KIF2A: variants seen among roughly 807,000 people sequenced by gnomAD.
The protein encoded by KIF2A is kinesin-like protein KIF2A.
KIF2A carries 22 observed loss-of-function variants against 100.2 expected under a neutral mutation model. That is an observed-to-expected ratio of 0.22 (90% confidence interval 0.16 to 0.31). KIF2A has a LOEUF of 0.31. Ranked by LOEUF, KIF2A falls within the 10% of genes least tolerant of loss-of-function variation. The pLI, the probability that KIF2A is intolerant of heterozygous loss-of-function variation, is 1.00. For synonymous variants in KIF2A, 268 were observed against 285.9 expected (o/e 0.94, Z 0.63); for missense variants, 495 against 898.7 (o/e 0.55, Z 5.74).
chr5:62,317,270 A>T (rs1037027684), intron 1 of KIF2A, among the ~76,000 whole-genome samples: 2 of 151,936 alleles, frequency 1.3e-5, no homozygotes. Flanking sequence ...CTGGTTTCGA[A>T]CTCCTGGCCT....
At chr5:62,381,342 T>TA (rs1741763372) in intron 20 of KIF2A, 89 bp downstream of exon 20, 2 of 1,067,046 alleles carry the variant, frequency 1.9e-6, no homozygotes, top group Non-Finnish European at 2.8e-6. Context: ...CAAGAGGACA[T>TA]ACGAAGTGAA....
chr5:62,351,553 G>A (rs1311581221), intron 4 of KIF2A, among the ~76,000 whole-genome samples: 1 of 152,096 alleles, frequency 6.6e-6, no homozygotes, highest in Non-Finnish European at 1.5e-5. Flanking sequence ...CTCTGTGTGT[G>A]GATGGTAGAA....
Position 62,352,640 on chromosome 5 carries a change from T to G in KIF2A, c.387T>G (p.Ser129=), listed in dbSNP as rs747561728. The G allele has an allele frequency of 6.2e-7, 1 of 1,608,304 alleles. No individual in the cohort carries two copies. The highest frequency in any genetic ancestry group is 2.2e-5 in the East Asian group (1 of 44,720). Residue 129 remains serine (S), a synonymous_variant, in exon 5 of 21, where the codon TCT becomes TCG. Transcript: ENST00000407818. ...RPSQFPEQSS[S]AQQNGSVSDI... ...GTCAATTTCCTGAACAGTCTTCCTC[T>G]GCACAACAGAATGGTAGTGTTTCAG...
chr5:62,389,027 C>CT lies in KIF2A; in HGVS notation c.*3460dup, dbSNP rs763353872. ...CCAAATACCTAGGAAAAATGAATAC[C>CT]TTCTGCGTTGAATCCATGTAGCAAT... is the stretch of plus-strand genomic sequence containing the variant. On this transcript the variant is annotated 3_prime_UTR_variant, in exon 21 of 21. Transcript: ENST00000407818. 25 of 1,610,124 alleles carry CT rather than the reference C, an allele frequency of 1.6e-5. No individual in the cohort carries two copies. Among genetic ancestry groups the CT allele is most frequent in the Non-Finnish European group, 2.1e-5 (25 of 1,178,994 alleles).
chr5:62,309,592 A>G (rs1199187378), intron 1 of KIF2A, among the ~76,000 whole-genome samples: 1 of 152,246 alleles, frequency 6.6e-6, no homozygotes, highest in Non-Finnish European at 1.5e-5. Flanking sequence ...TATAACAAAA[A>G]TAAACTTTGC....
At position 62,389,174 on chromosome 5, in the gene KIF2A, C is replaced by G. The variant is rs1742175717; in HGVS notation, c.*3605C>G. ...AGCATGCTTACAGAGCCCACCCACT[C>G]CTAATACTAGTTATTAAAGAAACGT... On this transcript the variant is annotated 3_prime_UTR_variant, in exon 21 of 21. Coordinates refer to ENST00000407818, the MANE Select transcript of KIF2A (RefSeq NM_001098511.3). 1.3e-6 allele frequency: 1 copy of G among 782,924 alleles called. No individual in the cohort carries two copies. Among genetic ancestry groups the G allele is most frequent in the Admixed American group, 3.1e-5 (1 of 31,838 alleles). The allele number at this position is 782,924 out of a possible 1,614,324, so 48.5% of individuals were successfully genotyped here. A position where few individuals can be genotyped will look rare whatever the true frequency, so the allele number is the denominator to read the frequency against.
intron 16 of KIF2A, among the ~76,000 whole-genome samples, chr5:62,369,817 A>AACTATTCT (rs1741239273): frequency 6.6e-6 from 1 of 152,136 alleles, no homozygotes; most frequent in Non-Finnish European, 1.5e-5. Context: ...TTCTGTCTTA[A>AACTATTCT]GTGTTTAAAC....
intron 1 of KIF2A, among the ~76,000 whole-genome samples, chr5:62,321,918 G>A (rs1340214931): frequency 6.6e-6 from 1 of 151,802 alleles, no homozygotes; most frequent in Non-Finnish European, 1.5e-5. Context: ...TTATAATTTG[G>A]TATGTTTTCT....
chr5:62,373,320 A>G (rs531366683), intron 17 of KIF2A, among the ~76,000 whole-genome samples: 61 of 152,086 alleles, frequency 4.0e-4, no homozygotes, highest in African/African-American at 1.4e-3. Flanking sequence ...CTGTTCATAT[A>G]ATTTAATTGC....
At chr5:62,359,508 T>C (rs1748281904) in intron 9 of KIF2A, among the ~76,000 whole-genome samples, 2 of 152,036 alleles carry the variant, frequency 1.3e-5, no homozygotes, top group South Asian at 4.1e-4. Flanking sequence ...GATAGAGATA[T>C]TTGTGAAGAA....
At chr5:62,324,091 C>G (rs912108666) in intron 1 of KIF2A, among the ~76,000 whole-genome samples, 1 of 151,822 alleles carries the variant, frequency 6.6e-6, no homozygotes, top group East Asian at 1.9e-4. Flanking sequence ...TTCAAAATGC[C>G]TCTGCACAGA....
chr5:62,378,811 G>A (rs1741652311), intron 19 of KIF2A, among the ~76,000 whole-genome samples: 1 of 151,972 alleles, frequency 6.6e-6, no homozygotes. Context: ...CCAGCTACTC[G>A]GGAGGCTGAG....
At chr5:62,346,387 C>T (rs1039312547) in intron 1 of KIF2A, among the ~76,000 whole-genome samples, 13 of 152,180 alleles carry the variant, frequency 8.5e-5, no homozygotes, top group African/African-American at 3.1e-4. Context: ...CAATTTGCAT[C>T]GTATATGGTA....
In KIF2A at chr5:62,350,113, T is replaced by C. The variant is rs768155952; in HGVS notation, c.327T>C (p.Asp109=). The part of the protein sequence containing the change: ...ASIKNDPPSR[D]NRVVGSARAR... ...TTAAGAATGACCCTCCTTCAAGAGA[T>C]AATAGAGGTAAAGTAAAAATTTATC... The change falls in exon 4 of 21, where the codon GAT becomes GAC. Residue 109 remains aspartate (D), a synonymous_variant. Transcript: ENST00000407818. 5.1e-6 allele frequency: 8 copies of C among 1,571,516 alleles called. No homozygotes were observed. The highest frequency in any genetic ancestry group is 3.3e-4 in the Middle Eastern group (2 of 5,992).
chr5:62,364,468 T>C (rs1740974244), intron 14 of KIF2A, among the ~76,000 whole-genome samples: 1 of 152,026 alleles, frequency 6.6e-6, no homozygotes, highest in Non-Finnish European at 1.5e-5. Flanking sequence ...ATTAGTCATA[T>C]TTTCTAGGAG....
At chr5:62,323,197 C>T (rs540707008) in intron 1 of KIF2A, among the ~76,000 whole-genome samples, 18 of 148,934 alleles carry the variant, frequency 1.2e-4, no homozygotes, top group Non-Finnish European at 2.4e-4. Context: ...TGGAGGTTGC[C>T]GTGAGCCAAG....
rs1020606307 is a variant in KIF2A at position 62,309,966 on chromosome 5, C to T, written c.64+3430C>T. Among the ~76,000 whole-genome samples the T allele has an allele frequency of 6.0e-5, 9 of 149,290 alleles. No homozygotes were observed. In the South Asian group the frequency reaches 1.3e-3, roughly 21 times the overall value. On this transcript the variant is annotated intron_variant, in intron 1 of 20. Coordinates refer to ENST00000407818, the MANE Select transcript of KIF2A (RefSeq NM_001098511.3). ...TAAGTATTAATGTTTGGGTCTGTAA[C>T]TTTTTTTTTTCCACTCCTCTCAGCT...
At chr5:62,378,453 A>T (rs1453378221) in intron 19 of KIF2A, among the ~76,000 whole-genome samples, 1 of 152,140 alleles carries the variant, frequency 6.6e-6, no homozygotes, top group Non-Finnish European at 1.5e-5. Flanking sequence ...ACTTCTTGAG[A>T]AAAAAACAAT....
At chr5:62,356,874 C>T (rs1418122570) in intron 7 of KIF2A, among the ~76,000 whole-genome samples, 1 of 151,788 alleles carries the variant, frequency 6.6e-6, no homozygotes, top group Admixed American at 6.6e-5. Context: ...CAACCTCCAC[C>T]TCCAGGGTTC....
Sources: gnomAD v4.1 joint callset for allele counts (sites outside exome capture counted in the v4.1 genomes callset) on GRCh38, gnomAD v4.1.1 for gene constraint, MANE v1.5 for transcripts, NCBI Gene and HGNC (gene_info 2026-07-23, HGNC 2026-07-21) for gene names.